The following NEO1 variants were observed in gnomAD, a reference collection of about 807,000 sequenced individuals.
The protein encoded by NEO1 is neogenin 1, also known as neogenin.
Under a neutral mutation model 159.7 loss-of-function variants are expected in NEO1, and 63 were observed. That is an observed-to-expected ratio of 0.39 (90% CI 0.32 to 0.49). NEO1 has a LOEUF of 0.49. Among genes scored for constraint, NEO1 ranks in the 20% least tolerant of loss-of-function variants. The pLI is 0.85. For missense variants in NEO1, 1,615 were observed against 1,831.0 expected (o/e 0.88, Z 2.15); for synonymous variants, 633 against 662.0 (o/e 0.96, Z 0.67).
chr15:73,227,531 T>C (rs2038659152), intron 7 of NEO1, among the ~76,000 whole-genome samples: 1 of 152,100 alleles, frequency 6.6e-6, no homozygotes, highest in Admixed American at 6.5e-5. Context: ...AGAAACGTCA[T>C]CATTCTTTAG....
chr15:73,115,069 G>A (rs1295575645), intron 1 of NEO1, among the ~76,000 whole-genome samples: 3 of 151,164 alleles, frequency 2.0e-5, no homozygotes, highest in East Asian at 1.9e-4. Context: ...TTTTTGAGAC[G>A]GAGTCTGGCT....
chr15:73,168,565 A>G (rs2034742346), intron 5 of NEO1, among the ~76,000 whole-genome samples: 1 of 152,152 alleles, frequency 6.6e-6, no homozygotes, highest in Non-Finnish European at 1.5e-5. Context: ...TAGGGTAAGG[A>G]AAAGACAATG....
At chr15:73,213,032 A>AG (rs56365801) in intron 7 of NEO1, among the ~76,000 whole-genome samples, 128,974 of 152,118 alleles carry the variant, frequency 0.85, 56,107 homozygotes, top group Non-Finnish European at 0.94. Context: ...GGTCATCAAA[A>AG]GGGAACCATA....
chr15:73,122,616 C>T lies in NEO1; in HGVS notation c.540C>T (p.Val180=), dbSNP rs1026752631. The change falls in exon 3 of 29, where the codon GTC becomes GTT. Residue 180 remains valine (V), a synonymous_variant. Transcript: ENST00000261908. ...ATTGTGAAGTTAATGCAGATTTGGT[C>T]CCATTTGTGAGGTGGGAACAGAACA... The part of the protein sequence containing the change: ...ILNCEVNADL[V]PFVRWEQNRQ... The T allele has an allele frequency of 2.5e-6, 4 of 1,614,092 alleles. No individual in the cohort carries two copies. Among genetic ancestry groups the T allele is most frequent in the Non-Finnish European group, 3.4e-6 (4 of 1,180,012 alleles).
intron 21 of NEO1, among the ~76,000 whole-genome samples, chr15:73,276,523 G>A (rs2041434054): frequency 6.6e-6 from 1 of 152,194 alleles, no homozygotes; most frequent in Non-Finnish European, 1.5e-5. Flanking sequence ...GGCATCAGAA[G>A]TAAGGAGATA....
At position 73,122,614 on chromosome 15, in the gene NEO1, G is replaced by A. The variant is rs776438285; in HGVS notation, c.538G>A (p.Val180Ile). The change falls in exon 3 of 29, where the codon GTC (valine) becomes ATC (isoleucine). Residue 180 changes from valine to isoleucine, a missense_variant. Val to Ile is a conservative substitution (Grantham distance 29, BLOSUM62 3). Around this residue, in one of 3 missense-constraint regions of NEO1, gnomAD observed 1,018 missense variants for 1,115.4 expected, o/e 0.91. Transcript: ENST00000261908. Reference protein sequence around the residue: ...ILNCEVNADLVPFVRWEQNRQ... With the variant: ...ILNCEVNADLIPFVRWEQNRQ... ...GAATTGTGAAGTTAATGCAGATTTGGTCCCATTTGTGAGGTGGGAACAGAA... is the reference window on the plus strand; with the variant it reads ...GAATTGTGAAGTTAATGCAGATTTGATCCCATTTGTGAGGTGGGAACAGAA... 13 of 1,613,978 alleles carry A rather than the reference G, an allele frequency of 8.1e-6. No individual in the cohort carries two copies. The highest frequency in any genetic ancestry group is 1.0e-5 in the Non-Finnish European group (12 of 1,180,020).
intron 5 of NEO1, among the ~76,000 whole-genome samples, chr15:73,171,288 C>A (rs575112879): frequency 6.6e-6 from 1 of 151,996 alleles, no homozygotes; most frequent in Non-Finnish European, 1.5e-5. Context: ...AGAGGCCAGG[C>A]GTAGTGGCTC....
rs768103510 is a variant in NEO1, at chr15:73,236,378, T to G, written c.1323T>G (p.Ala441=). 6.2e-7 allele frequency: 1 copy of G among 1,614,048 alleles called. No individual in the cohort carries two copies. Residue 441 remains alanine (A), a synonymous_variant, in exon 8 of 29, where the codon GCT becomes GCG. Transcript: ENST00000261908. ...CCACAACGGGACCACTGCCTTCAGC[T>G]CCTCGGGATGTCGTGGCCTCCCTGG... ...APATTGPLPS[A]PRDVVASLVS...
intron 27 of NEO1, among the ~76,000 whole-genome samples, chr15:73,299,537 C>T (rs758168802): frequency 1.3e-5 from 2 of 152,198 alleles, no homozygotes; most frequent in South Asian, 2.1e-4. Flanking sequence ...AGGTGCCCAC[C>T]ACCATGCGCA....
rs2041192284 is a variant in NEO1 at position 73,271,943 on chromosome 15, G to A, written c.2858-512G>A. ...AAAAAAAACAGCTATATTTGGTTTG[G>A]AGAGCCAACTATAAATGAGAGAGAA... On this transcript the variant is annotated intron_variant, in intron 18 of 28. Coordinates refer to ENST00000261908, the MANE Select transcript of NEO1 (RefSeq NM_002499.4). Among the ~76,000 whole-genome samples the A allele has an allele frequency of 2.0e-5, 3 of 151,378 alleles. No homozygotes were observed. The South Asian group carries it at 6.3e-4, about 32-fold the overall frequency.
chr15:73,101,424 C>T (rs962391394), intron 1 of NEO1, among the ~76,000 whole-genome samples: 3 of 152,224 alleles, frequency 2.0e-5, no homozygotes, highest in Non-Finnish European at 1.5e-5. Flanking sequence ...TGCGCACACA[C>T]GCTCTCTTTC....
At chr15:73,118,386 G>A (rs1339430278) in intron 2 of NEO1, among the ~76,000 whole-genome samples, 1 of 151,882 alleles carries the variant, frequency 6.6e-6, no homozygotes, top group African/African-American at 2.4e-5. Flanking sequence ...TTTATGAGCT[G>A]TCCTCCACTT....
At chr15:73,176,625 G>A (rs2035292698) in intron 6 of NEO1, 68 bp downstream of exon 6, 1 of 1,257,864 alleles carries the variant, frequency 7.9e-7, no homozygotes, top group African/African-American at 1.5e-5. Flanking sequence ...TAGTCACCGA[G>A]AGATCAGTTA....
intron 7 of NEO1, among the ~76,000 whole-genome samples, chr15:73,181,186 C>G (rs1447938608): frequency 2.6e-5 from 4 of 152,096 alleles, no homozygotes; most frequent in Non-Finnish European, 5.9e-5. Context: ...AAATAGAAGA[C>G]CTGTTCCTGT....
chr15:73,071,041 G>C (rs769069888), intron 1 of NEO1, among the ~76,000 whole-genome samples: 1 of 150,964 alleles, frequency 6.6e-6, no homozygotes, highest in Admixed American at 6.6e-5. Context: ...CATAGCTAAC[G>C]GTAGCCTTCA....
intron 7 of NEO1, among the ~76,000 whole-genome samples, chr15:73,207,683 A>G (rs1596343137): frequency 1.3e-5 from 2 of 152,332 alleles, no homozygotes; most frequent in East Asian, 1.9e-4. Context: ...AAAAGTGTCA[A>G]TGTCCTTGTG....
chr15:73,052,831 G>C (rs1180323109), intron 1 of NEO1, 26 bp downstream of exon 1: 1 of 598,914 alleles, frequency 1.7e-6, no homozygotes, highest in African/African-American at 2.0e-5. Flanking sequence ...GGGCCCGGGG[G>C]TTCGCGGGGG....
At chr15:73,114,364 C>G (rs1254055419) in intron 1 of NEO1, among the ~76,000 whole-genome samples, 6 of 152,114 alleles carry the variant, frequency 3.9e-5, no homozygotes, top group African/African-American at 1.4e-4. Context: ...AACGGCAAGC[C>G]TTTGAGGGGT....
chr15:73,205,506 A>G (rs2037159735), intron 7 of NEO1, among the ~76,000 whole-genome samples: 1 of 152,318 alleles, frequency 6.6e-6, no homozygotes, highest in Admixed American at 6.5e-5. Flanking sequence ...TCGTGATGAC[A>G]ACCTGGTAAA....
Sources: gnomAD v4.1 joint callset for allele counts (sites outside exome capture counted in the v4.1 genomes callset) on GRCh38, gnomAD v4.1.1 for gene constraint, gnomAD v4.1.1 regional missense constraint, MANE v1.5 for transcripts, NCBI Gene and HGNC (gene_info 2026-07-23, HGNC 2026-07-21) for gene names.